THAP4: variants seen among roughly 807,000 people sequenced by gnomAD.
THAP4 encodes the protein THAP domain containing 4.
Under a neutral mutation model 48.1 loss-of-function variants are expected in THAP4, and 18 were observed. The ratio of observed to expected loss-of-function variants is 0.37; its 90% CI spans 0.26 to 0.56. The LOEUF (loss-of-function observed/expected upper bound fraction) is 0.56, where lower values mean the gene tolerates loss of function less well. Among genes scored for constraint, THAP4 ranks in the 20% least tolerant of loss-of-function variants. The pLI, the probability that THAP4 is intolerant of heterozygous loss-of-function variation, is 0.78. For missense variants in THAP4, 656 were observed against 774.9 expected, an observed-to-expected ratio of 0.85 and a Z score of 1.82; for synonymous variants, 345 against 324.9, an observed-to-expected ratio of 1.06 and a Z score of -0.66.
rs201981238 is a variant in THAP4, at chr2:241,613,306, C to CA, written c.1241-6834dup. Among the ~76,000 whole-genome samples, 523 of 144,306 alleles carry CA rather than the reference C, an allele frequency of 3.6e-3. 6 individuals are homozygous for CA. Among genetic ancestry groups the CA allele is most frequent in the Admixed American group, 0.028 (411 of 14,496 alleles). The allele number at this position is 144,306 out of a possible 152,430, so 94.7% of individuals were successfully genotyped here. The stretch of plus-strand genomic sequence containing the variant: ...AAAAAAAAAGCGGTTATAGAAACAA[C>CA]AAAAAAAAACTGGTTATAGGTGGTA... On this transcript the variant is annotated intron_variant, in intron 2 of 5. Coordinates refer to ENST00000407315, the MANE Select transcript of THAP4 (RefSeq NM_015963.6).
At chr2:241,623,322 G>A (rs1180878498) in intron 2 of THAP4, among the ~76,000 whole-genome samples, 7 of 152,138 alleles carry the variant, frequency 4.6e-5, no homozygotes. Context: ...GCTCACGTCT[G>A]TAATCCCAGC....
At chr2:241,589,028 A>G (rs1048359364) in intron 5 of THAP4, among the ~76,000 whole-genome samples, 11 of 152,128 alleles carry the variant, frequency 7.2e-5, no homozygotes, top group African/African-American at 1.2e-4. Context: ...CCTGGCCAAC[A>G]TGGTGAAACC....
At chr2:241,606,203 T>C (rs2067181629) in intron 3 of THAP4, 111 bp downstream of exon 3, 3 of 1,024,098 alleles carry the variant, frequency 2.9e-6, no homozygotes, top group Admixed American at 6.0e-5. Flanking sequence ...GATGGACAAG[T>C]TCCTTTTACA....
At chr2:241,605,028 T>G (rs1186086580) in intron 3 of THAP4, among the ~76,000 whole-genome samples, 1 of 152,252 alleles carries the variant, frequency 6.6e-6, no homozygotes, top group African/African-American at 2.4e-5. Context: ...TTCATTTTTC[T>G]TCGAATGCTA....
upstream of THAP4, chr2:241,637,367 G>A (rs1256462826): frequency 1.7e-5 from 24 of 1,373,510 alleles, no homozygotes; most frequent in Middle Eastern, 3.8e-4. Flanking sequence ...CGTACCGCAA[G>A]ATGGCTGCTC....
chr2:241,597,186 A>G (rs1283362633), intron 5 of THAP4, among the ~76,000 whole-genome samples: 2 of 152,112 alleles, frequency 1.3e-5, no homozygotes. Flanking sequence ...GCTGGAGTGC[A>G]GTGGCGCGAT....
At chr2:241,628,424 C>T (rs1327909533) in intron 2 of THAP4, among the ~76,000 whole-genome samples, 5 of 151,982 alleles carry the variant, frequency 3.3e-5, no homozygotes, top group Non-Finnish European at 4.4e-5. Context: ...TCTCAAACTC[C>T]GTTCCTCACC....
chr2:241,624,485 CAAA>C (rs112411066), intron 2 of THAP4, among the ~76,000 whole-genome samples: 60 of 132,968 alleles, frequency 4.5e-4, no homozygotes, highest in African/African-American at 1.4e-3. Flanking sequence ...GACTCTTTCT[CAAA>C]AAAAAAAAAA....
intron 5 of THAP4, chr2:241,584,978 A>G (rs1372014570): frequency 3.3e-5 from 16 of 486,552 alleles, no homozygotes; most frequent in Non-Finnish European, 5.6e-5. Context: ...GTCGACGGCC[A>G]TACCACCCTG....
At chr2:241,620,054 GGTGA>G (rs2067402900) in intron 2 of THAP4, among the ~76,000 whole-genome samples, 3 of 95,540 alleles carry the variant, frequency 3.1e-5, no homozygotes, top group African/African-American at 8.1e-5. Flanking sequence ...GTGAGTGAGG[GGTGA>G]GTGAGGGGTG....
At chr2:241,606,494 C>A in intron 2 of THAP4, 21 bp from the exon 3 acceptor site, 3 of 1,576,514 alleles carry the variant, frequency 1.9e-6, no homozygotes, top group Non-Finnish European at 2.6e-6. Flanking sequence ...AAGAATGAGA[C>A]TATCAGTGGC....
At chr2:241,587,311 T>TC (rs1293493548) in intron 5 of THAP4, among the ~76,000 whole-genome samples, 6 of 152,100 alleles carry the variant, frequency 3.9e-5, no homozygotes, top group Admixed American at 3.9e-4. Flanking sequence ...ACACTCTTCC[T>TC]CCCCCGTCCT....
At chr2:241,592,929 C>T (rs1251063581) in intron 5 of THAP4, among the ~76,000 whole-genome samples, 1 of 152,102 alleles carries the variant, frequency 6.6e-6, no homozygotes, top group Non-Finnish European at 1.5e-5. Context: ...AAACAATAAT[C>T]CCAAATACCA....
chr2:241,632,513 C>T (rs2067578592), intron 2 of THAP4, among the ~76,000 whole-genome samples: 1 of 152,216 alleles, frequency 6.6e-6, no homozygotes, highest in Non-Finnish European at 1.5e-5. Context: ...ATGATTTTAA[C>T]AGTTTCTGAT....
intron 2 of THAP4, among the ~76,000 whole-genome samples, chr2:241,609,614 C>T (rs987468436): frequency 3.3e-5 from 5 of 152,130 alleles, no homozygotes; most frequent in Non-Finnish European, 7.4e-5. Flanking sequence ...TGGTGAAACG[C>T]TGTCTCTATT....
intron 5 of THAP4, chr2:241,585,002 T>C (rs1482938507): frequency 2.6e-6 from 1 of 385,468 alleles, no homozygotes; most frequent in Non-Finnish European, 4.8e-6. Flanking sequence ...GCACCTGATC[T>C]CGTCTGACCT....
chr2:241,592,880 G>A (rs540235794), intron 5 of THAP4, among the ~76,000 whole-genome samples: 1 of 152,264 alleles, frequency 6.6e-6, no homozygotes, highest in African/African-American at 2.4e-5. Flanking sequence ...TCTGTACGGG[G>A]AAAAAGGGAA....
chr2:241,614,422 C>T (rs2067313734), intron 2 of THAP4, among the ~76,000 whole-genome samples: 1 of 152,136 alleles, frequency 6.6e-6, no homozygotes, highest in Non-Finnish European at 1.5e-5. Context: ...AGCACAGCAA[C>T]ATCTATAAAG....
At chr2:241,614,970 G>T (rs2067319907) in intron 2 of THAP4, among the ~76,000 whole-genome samples, 1 of 152,148 alleles carries the variant, frequency 6.6e-6, no homozygotes, top group Non-Finnish European at 1.5e-5. Context: ...ATGCAAACTG[G>T]CCTTCTAAAT....
Sources: allele counts gnomAD v4.1 joint callset (sites outside exome capture counted in the v4.1 genomes callset), GRCh38; gene constraint gnomAD v4.1.1; transcripts MANE v1.5; gene names NCBI Gene and HGNC (gene_info 2026-07-23, HGNC 2026-07-21).